Variants in CATSPERG observed in about 807,000 individuals in gnomAD.
The protein encoded by CATSPERG is cation channel sperm-associated auxiliary subunit gamma.
CATSPERG carries 115 observed loss-of-function variants against 145.0 expected under a neutral mutation model. The ratio of observed to expected loss-of-function variants is 0.79; its 90% CI spans 0.68 to 0.93. The LOEUF (loss-of-function observed/expected upper bound fraction) is 0.93, where lower values mean the gene tolerates loss of function less well. CATSPERG is among the 40% of genes least tolerant of loss of function. The pLI, the probability that CATSPERG is intolerant of heterozygous loss-of-function variation, is 0.00. For synonymous variants in CATSPERG, 588 were observed against 589.0 expected, an observed-to-expected ratio of 1.00 and a Z score of 0.02; for missense variants, 1,296 against 1,490.1, an observed-to-expected ratio of 0.87 and a Z score of 2.14.
rs1044029700 is a variant in CATSPERG, at chr19:38,337,140, G to A, written c.-14-81G>A. The A allele has an allele frequency of 7.4e-6, 11 of 1,487,084 alleles. No individual in the cohort carries two copies. In the African/African-American group the frequency reaches 9.7e-5, roughly 13 times the overall value. 92.1% of individuals were successfully genotyped at this position (1,487,084 alleles called of 1,614,324 possible). A position where few individuals can be genotyped will look rare whatever the true frequency, so the allele number is the denominator to read the frequency against. On this transcript the variant is annotated intron_variant, in intron 1 of 28. Coordinates refer to ENST00000409235, the MANE Select transcript of CATSPERG (RefSeq NM_021185.5). The stretch of plus-strand genomic sequence containing the variant: ...GTGGCCAGGAGCAAGTGCTGTGAGA[G>A]GCGCAGAAGCGAGGTGGAATCTTAA...
chr19:38,367,889 C>T, intron 25 of CATSPERG, 113 bp downstream of exon 25: 2 of 1,189,290 alleles, frequency 1.7e-6, no homozygotes, highest in African/African-American at 1.5e-5. Context: ...AGGCCCTGCC[C>T]ACAGTGGGGC....
In CATSPERG at chr19:38,368,156, C is replaced by G. The variant is rs758675695; in HGVS notation, c.3020+19C>G. On this transcript the variant is annotated intron_variant, in intron 26 of 28. Transcript: ENST00000409235. ...GCATCGAGTGAGTGCGTAGCCTGGC[C>G]CCTCTTGGCCCCCATCTGTCGGTAG... 2 of 1,608,496 alleles carry G rather than the reference C, an allele frequency of 1.2e-6. No homozygotes were observed. The highest frequency in any genetic ancestry group is 1.7e-6 in the Non-Finnish European group (2 of 1,175,000).
chr19:38,365,173 A>G (rs1368191451), intron 22 of CATSPERG, 56 bp downstream of exon 22: 35 of 1,465,206 alleles, frequency 2.4e-5, no homozygotes, highest in Non-Finnish European at 3.0e-5. Flanking sequence ...TCGGGTCTCA[A>G]CAGGGCTAAT....
chr19:38,367,360 C>T, intron 23 of CATSPERG, 48 bp downstream of exon 23: 3 of 1,591,050 alleles, frequency 1.9e-6, no homozygotes, highest in Non-Finnish European at 2.6e-6. Flanking sequence ...CCTCTTGCCC[C>T]CACTACTTTG....
intron 20 of CATSPERG, among the ~76,000 whole-genome samples, chr19:38,363,674 G>A (rs907293700): frequency 2.6e-5 from 4 of 151,684 alleles, no homozygotes; most frequent in African/African-American, 9.7e-5. Context: ...CTCTTAACGA[G>A]CATGCTGCCT....
intron 10 of CATSPERG, 51 bp downstream of exon 10, chr19:38,356,594 T>G: frequency 6.2e-7 from 1 of 1,601,810 alleles, no homozygotes; most frequent in Non-Finnish European, 8.5e-7. Context: ...GAACTGAGGA[T>G]GCAGAAGAGC....
In CATSPERG at chr19:38,356,556, C is replaced by T. The variant is rs750906220; in HGVS notation, c.1195+13C>T. The T allele has an allele frequency of 6.2e-7, 1 of 1,613,106 alleles. No individual in the cohort carries two copies. Among genetic ancestry groups the T allele is most frequent in the South Asian group, 1.1e-5 (1 of 91,042 alleles). ...GAGCAGATAGGAGGTACTCATTACC[C>T]CGATGGGTCTGCGGTGGGAGGCTGG... On this transcript the variant is annotated intron_variant, in intron 10 of 28. Coordinates refer to ENST00000409235, the MANE Select transcript of CATSPERG (RefSeq NM_021185.5).
Position 38,370,711 on chromosome 19 carries a change from G to A in CATSPERG, c.3399G>A (p.Arg1133=), listed in dbSNP as rs1970532768. 6.2e-7 allele frequency: 1 copy of A among 1,613,986 alleles called. No individual in the cohort carries two copies. Among genetic ancestry groups the A allele is most frequent in the Non-Finnish European group, 8.5e-7 (1 of 1,179,998 alleles). Residue 1133 remains arginine, a synonymous_variant, in exon 29 of 29, where the codon AGG becomes AGA. Transcript: ENST00000409235. The stretch of plus-strand genomic sequence containing the variant: ...GCATGCCGTCTCTGAGACATTCCAG[G>A]ATGGGCTCCATGTTCAGCTCCAGGA... The part of the protein sequence containing the change: ...ISSMPSLRHS[R]MGSMFSSRMT...
chr19:38,352,577 A>C (rs2145084780), intron 8 of CATSPERG, 145 bp downstream of exon 8: 11 of 638,182 alleles, frequency 1.7e-5, no homozygotes, highest in Admixed American at 4.9e-5. Flanking sequence ...GCCCACCCCG[A>C]ATGGGCCTTG....
At chr19:38,367,844 C>A in intron 25 of CATSPERG, 68 bp downstream of exon 25, 1 of 1,451,546 alleles carries the variant, frequency 6.9e-7, no homozygotes, top group Non-Finnish European at 9.6e-7. Flanking sequence ...ACTTCCAAGC[C>A]AAGCCCACCT....
chr19:38,367,129 CT>C (rs773313278), intron 22 of CATSPERG, 26 bp from the exon 23 acceptor site: 42 of 1,601,190 alleles, frequency 2.6e-5, no homozygotes, highest in Non-Finnish European at 3.4e-5. Context: ...CTGGCCACCC[CT>C]GTGAGCCTTT....
chr19:38,370,368 T>C (rs960239794), intron 28 of CATSPERG, 110 bp downstream of exon 28: 35 of 1,393,854 alleles, frequency 2.5e-5, no homozygotes, highest in Non-Finnish European at 3.2e-5. Flanking sequence ...CATCTAGCCA[T>C]GCTGACTGAA....
intron 18 of CATSPERG, 40 bp from the exon 19 acceptor site, chr19:38,362,336 C>T (rs780373971): frequency 4.3e-6 from 7 of 1,613,428 alleles, no homozygotes; most frequent in African/African-American, 2.7e-5. Flanking sequence ...CCGTGCCCCA[C>T]CCCCGGCGCT....
At chr19:38,364,473 G>C (rs897448930) in intron 20 of CATSPERG, among the ~76,000 whole-genome samples, 1 of 151,958 alleles carries the variant, frequency 6.6e-6, no homozygotes, top group African/African-American at 2.4e-5. Context: ...TCACGTCCCA[G>C]ACGATGGGCA....
Position 38,337,164 on chromosome 19 carries a change from A to G in CATSPERG, c.-14-57A>G, listed in dbSNP as rs1007796038. ...AGGCGCAGAAGCGAGGTGGAATCTT[A>G]AAAGTGGGCTCCAGAGAGCTGTCCG... On this transcript the variant is annotated intron_variant, in intron 1 of 28. Coordinates refer to ENST00000409235, the MANE Select transcript of CATSPERG (RefSeq NM_021185.5). 61 of 1,527,456 alleles carry G rather than the reference A, an allele frequency of 4.0e-5. No homozygotes were observed. In the African/African-American group the frequency reaches 7.4e-4, roughly 19 times the overall value. 94.6% of individuals were successfully genotyped at this position (1,527,456 alleles called of 1,614,324 possible).
chr19:38,358,261 G>A lies in CATSPERG; in HGVS notation c.1316-17G>A. The A allele has an allele frequency of 6.2e-7, 1 of 1,614,024 alleles. No individual in the cohort carries two copies. The highest frequency in any genetic ancestry group is 8.5e-7 in the Non-Finnish European group (1 of 1,179,908). Reference sequence around the variant, plus strand: ...GCAGGGCCTCAGGAGATTTTGCTGTGTTCTCCCCACCTGTAGCTAGTGATG... The same window carrying A: ...GCAGGGCCTCAGGAGATTTTGCTGTATTCTCCCCACCTGTAGCTAGTGATG... On this transcript the variant is annotated splice_polypyrimidine_tract_variant and intron_variant, in intron 11 of 28. Transcript: ENST00000409235.
At chr19:38,339,942 C>A (rs1969909314) in intron 3 of CATSPERG, among the ~76,000 whole-genome samples, 1 of 151,868 alleles carries the variant, frequency 6.6e-6, no homozygotes, top group African/African-American at 2.4e-5. Context: ...GCAACCTCCC[C>A]CTCCCAGGTT....
At chr19:38,343,880 C>T in intron 4 of CATSPERG, 113 bp from the exon 5 acceptor site, 1 of 1,437,352 alleles carries the variant, frequency 7.0e-7, no homozygotes, top group Non-Finnish European at 9.4e-7. Flanking sequence ...CCAGTGGGAC[C>T]CATGGCGTGG....
chr19:38,336,481 C>A (rs929340200), intron 1 of CATSPERG: 2 of 290,732 alleles, frequency 6.9e-6, no homozygotes, highest in East Asian at 2.3e-4. Context: ...AGGAGCAAGC[C>A]CCGGGCGAGA....
Sources: gnomAD v4.1 joint callset for allele counts (sites outside exome capture counted in the v4.1 genomes callset) on GRCh38, gnomAD v4.1.1 for gene constraint, MANE v1.5 for transcripts, NCBI Gene and HGNC (gene_info 2026-07-23, HGNC 2026-07-21) for gene names.